Variants in PTPRT observed in about 807,000 individuals in gnomAD.
PTPRT encodes the protein protein tyrosine phosphatase receptor type T.
A neutral mutation model predicts 176.8 loss-of-function variants in PTPRT; 56 were observed. That is an observed-to-expected ratio of 0.32 (90% CI 0.26 to 0.40). The LOEUF (loss-of-function observed/expected upper bound fraction) is 0.40, where lower values mean the gene tolerates loss of function less well. Among genes scored for constraint, PTPRT ranks in the 10% least tolerant of loss-of-function variants. The pLI, the probability that PTPRT is intolerant of heterozygous loss-of-function variation, is 1.00. For synonymous variants in PTPRT, 783 were observed against 739.0 expected, an observed-to-expected ratio of 1.06 and a Z score of -0.96; for missense variants, 1,540 against 1,908.2, an observed-to-expected ratio of 0.81 and a Z score of 3.60.
intron 26 of PTPRT, among the ~76,000 whole-genome samples, chr20:42,099,654 A>T (rs940456550): frequency 6.6e-6 from 1 of 150,804 alleles, no homozygotes; most frequent in African/African-American, 2.4e-5. Flanking sequence ...TCTCCACTTC[A>T]TCAGTGGCTC....
chr20:42,773,639 G>A (rs1379730104), intron 4 of PTPRT, among the ~76,000 whole-genome samples: 1 of 152,138 alleles, frequency 6.6e-6, no homozygotes, highest in Non-Finnish European at 1.5e-5. Context: ...ATGCCATGCT[G>A]CTCTGATTGT....
chr20:42,145,952 A>G (rs1430479080), intron 17 of PTPRT, among the ~76,000 whole-genome samples: 2 of 152,142 alleles, frequency 1.3e-5, no homozygotes, highest in Admixed American at 1.3e-4. Flanking sequence ...CATTTCACAA[A>G]TGTGGGGCTT....
chr20:42,288,366 G>A (rs111691200), intron 12 of PTPRT, among the ~76,000 whole-genome samples: 8,445 of 133,818 alleles, frequency 0.063, 312 homozygotes, highest in Middle Eastern at 0.11. Context: ...GTTTTGTTTT[G>A]TTTTAAGATT....
intron 8 of PTPRT, among the ~76,000 whole-genome samples, chr20:42,471,639 C>T (rs1447059789): frequency 4.6e-5 from 7 of 151,788 alleles, no homozygotes; most frequent in Admixed American, 1.3e-4. Flanking sequence ...ACCCAGTCTC[C>T]GGTGTTTTTT....
At chr20:42,668,631 G>C (rs2075357935) in intron 7 of PTPRT, among the ~76,000 whole-genome samples, 1 of 152,012 alleles carries the variant, frequency 6.6e-6, no homozygotes, top group Non-Finnish European at 1.5e-5. Context: ...GGGGAGAGAG[G>C]GTCTGCAAGA....
intron 1 of PTPRT, among the ~76,000 whole-genome samples, chr20:43,036,064 G>C (rs1986364453): frequency 6.6e-6 from 1 of 152,130 alleles, no homozygotes; most frequent in African/African-American, 2.4e-5. Flanking sequence ...TAAGGACAAA[G>C]GCAAATGCAG....
At chr20:42,814,426 T>C (rs1482571579) in intron 2 of PTPRT, among the ~76,000 whole-genome samples, 1 of 152,190 alleles carries the variant, frequency 6.6e-6, no homozygotes, top group East Asian at 1.9e-4. Context: ...TTTTTAGAAG[T>C]ACTAAGTTAG....
intron 1 of PTPRT, among the ~76,000 whole-genome samples, chr20:43,101,512 T>G (rs1174170362): frequency 6.6e-6 from 1 of 152,110 alleles, no homozygotes; most frequent in East Asian, 1.9e-4. Flanking sequence ...GCTCTAATGA[T>G]TAAATGATGT....
chr20:42,891,881 A>G (rs1357361343), intron 1 of PTPRT, among the ~76,000 whole-genome samples: 2 of 152,232 alleles, frequency 1.3e-5, no homozygotes, highest in African/African-American at 2.4e-5. Flanking sequence ...GTCATCAAAC[A>G]TTTTCCATAA....
intron 2 of PTPRT, among the ~76,000 whole-genome samples, chr20:42,857,423 C>T (rs2078584057): frequency 6.6e-6 from 1 of 152,104 alleles, no homozygotes; most frequent in Non-Finnish European, 1.5e-5. Context: ...CTTCCATTTC[C>T]ATCCATATCT....
intron 2 of PTPRT, among the ~76,000 whole-genome samples, chr20:42,835,950 A>G (rs1466085951): frequency 6.6e-6 from 1 of 152,126 alleles, no homozygotes; most frequent in Non-Finnish European, 1.5e-5. Context: ...AAAGGTTTCT[A>G]CGAGATAGCA....
intron 14 of PTPRT, among the ~76,000 whole-genome samples, chr20:42,240,648 A>T (rs550682135): frequency 1.3e-5 from 2 of 152,222 alleles, no homozygotes; most frequent in East Asian, 3.9e-4. Flanking sequence ...CTGTTCAGCC[A>T]TCTATCCATC....
intron 6 of PTPRT, among the ~76,000 whole-genome samples, chr20:42,751,206 C>T (rs561918593): frequency 6.6e-6 from 1 of 152,144 alleles, no homozygotes; most frequent in Non-Finnish European, 1.5e-5. Flanking sequence ...GAAGCCAGCA[C>T]AGGGGTTTAC....
At position 43,189,829 on chromosome 20, in the gene PTPRT, G is replaced by A; in HGVS notation, c.-96C>T. On this transcript the variant is annotated 5_prime_UTR_variant, in exon 1 of 31. Coordinates refer to ENST00000373187, the MANE Select transcript of PTPRT (RefSeq NM_007050.6). This position sits in a 1 kb window ranked among gnomAD's most constrained non-coding sequence, Gnocchi z 5.0. ...GCCCCGCATCGCCGGCGCGGCCGCTGGCTGTGCGCGCGGCTGGCTCCGCTC... is the reference window on the plus strand; with the variant it reads ...GCCCCGCATCGCCGGCGCGGCCGCTAGCTGTGCGCGCGGCTGGCTCCGCTC... 1.7e-6 allele frequency: 1 copy of A among 578,914 alleles called. No individual in the cohort carries two copies. The highest frequency in any genetic ancestry group is 2.2e-6 in the Non-Finnish European group (1 of 457,938). The allele number at this position is 578,914 out of a possible 1,614,324, so 35.9% of individuals were successfully genotyped here. A position where few individuals can be genotyped will look rare whatever the true frequency, so the allele number is the denominator to read the frequency against.
At position 42,236,214 on chromosome 20, in the gene PTPRT, C is replaced by G. The variant is rs1316280449; in HGVS notation, c.2342+15G>C. 6 of 1,590,366 alleles carry G rather than the reference C, an allele frequency of 3.8e-6. No individual in the cohort carries two copies. In the African/African-American group the frequency reaches 8.1e-5, roughly 21 times the overall value. ...ACAGGGCACGAAGCAAAGTTAACAC[C>G]AGCTCGATACTTACAAGTAATAGGA... On this transcript the variant is annotated intron_variant, in intron 15 of 30. Transcript: ENST00000373187.
intron 7 of PTPRT, among the ~76,000 whole-genome samples, chr20:42,568,446 A>C (rs988602791): frequency 4.6e-5 from 7 of 152,206 alleles, no homozygotes; most frequent in Non-Finnish European, 1.0e-4. Flanking sequence ...ACCACTGCTC[A>C]CTTCGTAAGT....
chr20:42,570,769 TA>T (rs941376315), intron 7 of PTPRT, among the ~76,000 whole-genome samples: 3 of 152,204 alleles, frequency 2.0e-5, no homozygotes, highest in African/African-American at 7.2e-5. Context: ...TTTTCATTTA[TA>T]AAGACCCTTG....
chr20:42,449,453 G>T (rs2070787468), intron 8 of PTPRT, among the ~76,000 whole-genome samples: 1 of 152,102 alleles, frequency 6.6e-6, no homozygotes, highest in Non-Finnish European at 1.5e-5. Flanking sequence ...TAGAAATAAT[G>T]AATTTCAGTA....
At chr20:42,845,037 G>A (rs535510529) in intron 2 of PTPRT, among the ~76,000 whole-genome samples, 1 of 152,260 alleles carries the variant, frequency 6.6e-6, no homozygotes, top group East Asian at 1.9e-4. Flanking sequence ...CTCATCCCTT[G>A]TTACTATGAA....
Sources: gnomAD v4.1 joint callset for allele counts (sites outside exome capture counted in the v4.1 genomes callset) on GRCh38, gnomAD v4.1.1 for gene constraint, Gnocchi (gnomAD v3.1) non-coding constraint, MANE v1.5 for transcripts, NCBI Gene and HGNC (gene_info 2026-07-23, HGNC 2026-07-21) for gene names.